RAPGEF2: variants seen among roughly 807,000 people sequenced by gnomAD.
The protein encoded by RAPGEF2 is PDZ domain containing guanine nucleotide exchange factor (GEF) 1.
In RAPGEF2, 54 loss-of-function variants were observed where a neutral mutation model predicts 186.7. The observed-to-expected ratio is 0.29, with a 90% CI of 0.23 to 0.36. RAPGEF2 has a LOEUF of 0.36. Among genes scored for constraint, RAPGEF2 ranks in the 10% least tolerant of loss-of-function variants. The pLI is 1.00. For missense variants in RAPGEF2, 1,532 were observed against 2,045.0 expected (o/e 0.75, Z 4.84); for synonymous variants, 712 against 705.9 (o/e 1.01, Z -0.14).
intron 7 of RAPGEF2, among the ~76,000 whole-genome samples, chr4:159,257,046 T>A (rs540163249): frequency 6.6e-6 from 1 of 152,356 alleles, no homozygotes; most frequent in South Asian, 2.1e-4. Context: ...TTAGTTTAAT[T>A]AGATCCCATT....
intron 1 of RAPGEF2, among the ~76,000 whole-genome samples, chr4:159,119,472 A>G (rs1221358336): frequency 6.6e-6 from 1 of 152,192 alleles, no homozygotes; most frequent in African/African-American, 2.4e-5. Context: ...CAGAAAGATG[A>G]AGATTAATGG....
chr4:159,157,702 C>A (rs557320393), intron 1 of RAPGEF2, among the ~76,000 whole-genome samples: 1 of 152,318 alleles, frequency 6.6e-6, no homozygotes, highest in African/African-American at 2.4e-5. Flanking sequence ...TATGAGACAA[C>A]AGCTTTCTAT....
intron 7 of RAPGEF2, among the ~76,000 whole-genome samples, chr4:159,273,682 CTTT>C (rs1561189029): frequency 1.4e-5 from 2 of 144,862 alleles, no homozygotes; most frequent in Non-Finnish European, 3.1e-5. Flanking sequence ...TTCTTTCTTT[CTTT>C]CTTTCTTTCT....
At chr4:159,285,632 A>G (rs1007227533) in intron 7 of RAPGEF2, among the ~76,000 whole-genome samples, 4 of 152,208 alleles carry the variant, frequency 2.6e-5, no homozygotes, top group Non-Finnish European at 4.4e-5. Context: ...ATGAATTCCT[A>G]TTTTACATTC....
At chr4:159,306,096 G>A (rs1057344854) in intron 8 of RAPGEF2, among the ~76,000 whole-genome samples, 1 of 151,058 alleles carries the variant, frequency 6.6e-6, no homozygotes, top group African/African-American at 2.4e-5. Flanking sequence ...GCTCAAGATT[G>A]CTTTCACTAT....
At chr4:159,199,213 A>G (rs1014377515) in intron 3 of RAPGEF2, among the ~76,000 whole-genome samples, 43 of 152,302 alleles carry the variant, frequency 2.8e-4, no homozygotes, top group African/African-American at 1.0e-3. Context: ...ATGCACACCC[A>G]TGCCCACACA....
At chr4:159,284,921 A>C (rs780084669) in intron 7 of RAPGEF2, among the ~76,000 whole-genome samples, 44 of 152,048 alleles carry the variant, frequency 2.9e-4, no homozygotes, top group Non-Finnish European at 1.2e-4. Flanking sequence ...GGCGTGGTGG[A>C]GCATGCCTGT....
intron 7 of RAPGEF2, chr4:159,267,828 C>A: frequency 1.0e-6 from 1 of 1,001,790 alleles, no homozygotes; most frequent in Non-Finnish European, 1.2e-6. Flanking sequence ...TCTTTTGCCT[C>A]TTGTTCTTCA....
At chr4:159,143,696 ATACT>A (rs1162290588) in intron 1 of RAPGEF2, among the ~76,000 whole-genome samples, 2 of 152,082 alleles carry the variant, frequency 1.3e-5, no homozygotes, top group African/African-American at 2.4e-5. Flanking sequence ...TTTAAAGTTG[ATACT>A]TACTGGGGAG....
At chr4:159,341,412 A>G in intron 19 of RAPGEF2, 152 bp from the exon 20 acceptor site, 3 of 727,246 alleles carry the variant, frequency 4.1e-6, no homozygotes, top group Non-Finnish European at 6.5e-6. Flanking sequence ...CTGAGATAGC[A>G]GCTGTGCTGT....
intron 1 of RAPGEF2, among the ~76,000 whole-genome samples, chr4:159,179,844 G>T (rs1746827500): frequency 6.6e-6 from 1 of 152,116 alleles, no homozygotes; most frequent in Admixed American, 6.5e-5. Context: ...TCTCTTGGTT[G>T]TGCTGCCTGA....
At position 159,353,398 on chromosome 4, in the gene RAPGEF2, C is replaced by A; in HGVS notation, c.4092-89C>A. ...TCTGGGATGAAAGCAAGCTACCTTT[C>A]TAGGAAAAAGGGTATTTTGGTTTTA... is the stretch of plus-strand genomic sequence containing the variant. On this transcript the variant is annotated intron_variant, in intron 27 of 29. Transcript: ENST00000691494. The surrounding 1 kb of genome is among the most constrained non-coding windows in gnomAD (Gnocchi z 4.3). 1 of 1,077,594 alleles carries A rather than the reference C, an allele frequency of 9.3e-7. No individual in the cohort carries two copies. Among genetic ancestry groups the A allele is most frequent in the Non-Finnish European group, 1.3e-6 (1 of 796,218 alleles). 66.8% of individuals were successfully genotyped at this position (1,077,594 alleles called of 1,614,324 possible). A position where few individuals can be genotyped will look rare whatever the true frequency, so the allele number is the denominator to read the frequency against.
At chr4:159,260,282 A>G (rs79583316) in intron 7 of RAPGEF2, among the ~76,000 whole-genome samples, 27 of 144,850 alleles carry the variant, frequency 1.9e-4, no homozygotes, top group East Asian at 1.6e-3. Flanking sequence ...ACCCAGCCTA[A>G]TTTTTTTTTT....
rs146290023 is a variant in RAPGEF2 at position 159,248,326 on chromosome 4, T to C, written c.543+4535T>C. Among the ~76,000 whole-genome samples the C allele has an allele frequency of 5.0e-3, 756 of 152,298 alleles. 4 individuals are homozygous for C. Among genetic ancestry groups the C allele is most frequent in the African/African-American group, 0.018 (736 of 41,562 alleles). ...GAAGAGAGAGTGTTAGAGAGTGATA[T>C]ACATACAAATAAAACCTGCCACAAA... On this transcript the variant is annotated intron_variant, in intron 7 of 29. Coordinates refer to ENST00000691494, the MANE Select transcript of RAPGEF2 (RefSeq NM_001394067.2).
At chr4:159,106,637 G>A (rs771876305) in intron 1 of RAPGEF2, among the ~76,000 whole-genome samples, 4 of 152,212 alleles carry the variant, frequency 2.6e-5, no homozygotes, top group Non-Finnish European at 5.9e-5. Flanking sequence ...GGATAGACTC[G>A]ATAAAGGAGT....
At chr4:159,189,404 A>T (rs1747883827) in intron 2 of RAPGEF2, among the ~76,000 whole-genome samples, 1 of 152,238 alleles carries the variant, frequency 6.6e-6, no homozygotes, top group Admixed American at 6.5e-5. Context: ...CATCATTTTA[A>T]CTATTTTTCT....
chr4:159,277,791 A>G (rs1759115664), intron 7 of RAPGEF2, among the ~76,000 whole-genome samples: 1 of 151,768 alleles, frequency 6.6e-6, no homozygotes, highest in African/African-American at 2.4e-5. Flanking sequence ...TTTTCTTGTA[A>G]ATTTGTTTAG....
intron 7 of RAPGEF2, among the ~76,000 whole-genome samples, chr4:159,299,632 T>G (rs1762419955): frequency 6.8e-6 from 1 of 148,098 alleles, no homozygotes; most frequent in African/African-American, 2.6e-5. Flanking sequence ...CCAATTTAAC[T>G]TTTTTTTTAA....
In RAPGEF2 at chr4:159,331,644, C is replaced by T; in HGVS notation, c.1590C>T (p.His530=). 6.2e-7 allele frequency: 1 copy of T among 1,614,042 alleles called. No homozygotes were observed. Among genetic ancestry groups the T allele is most frequent in the South Asian group, 1.1e-5 (1 of 91,076 alleles). Residue 530 remains histidine, a synonymous_variant, in exon 15 of 30, where the codon CAC becomes CAT. Coordinates refer to ENST00000691494, the MANE Select transcript of RAPGEF2 (RefSeq NM_001394067.2). ...AACTCTTAAAGAAAATGGGTGGACA[C>T]CTAAGGCTGTTGAATATCGCGTGTG... The part of the protein sequence containing the change: ...NNLEREKMGG[H]LRLLNIACAA...
Sources: allele counts gnomAD v4.1 joint callset (sites outside exome capture counted in the v4.1 genomes callset), GRCh38; gene constraint gnomAD v4.1.1; non-coding constraint Gnocchi (gnomAD v3.1); transcripts MANE v1.5; gene names NCBI Gene and HGNC (gene_info 2026-07-23, HGNC 2026-07-21).